The following SLC25A13 variants were observed in gnomAD, a reference collection of about 807,000 sequenced individuals.
SLC25A13 encodes solute carrier family 25 member 13, also known as electrogenic aspartate/glutamate antiporter SLC25A13, mitochondrial.
In SLC25A13, 70 loss-of-function variants were observed where a neutral mutation model predicts 85.5. That is an observed-to-expected ratio of 0.82 (90% CI 0.68 to 1.00). The LOEUF (loss-of-function observed/expected upper bound fraction) is 1.00. Ranked by LOEUF, SLC25A13 falls within the 50% of genes least tolerant of loss-of-function variation. The pLI, the probability that SLC25A13 is intolerant of heterozygous loss-of-function variation, is 0.00. For synonymous variants in SLC25A13, 259 were observed against 288.7 expected, an observed-to-expected ratio of 0.90 and a Z score of 1.04; for missense variants, 765 against 819.8, an observed-to-expected ratio of 0.93 and a Z score of 0.82.
intron 3 of SLC25A13, among the ~76,000 whole-genome samples, chr7:96,272,246 C>T (rs1798268091): frequency 6.6e-6 from 1 of 151,948 alleles, no homozygotes; most frequent in South Asian, 2.1e-4. Context: ...AGAGGTCTTC[C>T]AATTCTATCA....
intron 1 of SLC25A13, among the ~76,000 whole-genome samples, chr7:96,305,064 G>T (rs945273890): frequency 2.6e-5 from 4 of 152,098 alleles, no homozygotes; most frequent in Admixed American, 2.6e-4. Flanking sequence ...TATGCTAATG[G>T]CTTTTTATCT....
chr7:96,150,438 A>T (rs1057239131), intron 13 of SLC25A13, among the ~76,000 whole-genome samples: 1 of 152,150 alleles, frequency 6.6e-6, no homozygotes, highest in Non-Finnish European at 1.5e-5. Context: ...CAGATTTTAC[A>T]TAAGAGGAAA....
chr7:96,212,296 A>G (rs2116729775), intron 4 of SLC25A13, among the ~76,000 whole-genome samples: 1 of 152,338 alleles, frequency 6.6e-6, no homozygotes, highest in Non-Finnish European at 1.5e-5. Context: ...CTAGCTAGCT[A>G]GCAACCTTCT....
chr7:96,125,290 C>T (rs1337963248), intron 15 of SLC25A13, among the ~76,000 whole-genome samples: 2 of 152,214 alleles, frequency 1.3e-5, no homozygotes, highest in Non-Finnish European at 1.5e-5. Context: ...CAGGGTTTCA[C>T]CATGTTGACC....
chr7:96,282,313 A>G (rs1214892754), intron 2 of SLC25A13, among the ~76,000 whole-genome samples: 1 of 152,182 alleles, frequency 6.6e-6, no homozygotes, highest in African/African-American at 2.4e-5. Context: ...CCTGCTCACC[A>G]TCAGTCACAG....
In SLC25A13 at chr7:96,282,858, T is replaced by C. The variant is rs548023902; in HGVS notation, c.70-5520A>G. On this transcript the variant is annotated intron_variant, in intron 2 of 17. Transcript: ENST00000265631. Reference sequence around the variant, plus strand: ...AAGAAACATAAATGGCCAATAAACATATTGCTCTATTTATTTAAAAATGAA... The same window carrying C: ...AAGAAACATAAATGGCCAATAAACACATTGCTCTATTTATTTAAAAATGAA... 5.3e-4 allele frequency among the ~76,000 whole-genome samples: 81 copies of C among 152,280 alleles called. 1 individual carries two copies. The South Asian group carries it at 0.016, about 31-fold the overall frequency.
rs571284446 is a variant in SLC25A13, at chr7:96,291,655, C to T, written c.69+5243G>A. Among the ~76,000 whole-genome samples, 40 of 152,194 alleles carry T rather than the reference C, an allele frequency of 2.6e-4. No individual in the cohort carries two copies. In the South Asian group the frequency reaches 3.9e-3, roughly 15 times the overall value. Reference sequence around the variant, plus strand: ...TCAGAGAATACTATAAACACCTCTACGCAAATAAACTAGAAAATCTAGAAG... The same window carrying T: ...TCAGAGAATACTATAAACACCTCTATGCAAATAAACTAGAAAATCTAGAAG... On this transcript the variant is annotated intron_variant, in intron 2 of 17. Transcript: ENST00000265631.
intron 13 of SLC25A13, among the ~76,000 whole-genome samples, chr7:96,150,555 G>A (rs964349680): frequency 2.6e-5 from 4 of 152,042 alleles, no homozygotes; most frequent in African/African-American, 9.7e-5. Context: ...GACTATAGTT[G>A]GAAACAGGGC....
At chr7:96,284,826 G>C (rs568790081) in intron 2 of SLC25A13, among the ~76,000 whole-genome samples, 1 of 152,182 alleles carries the variant, frequency 6.6e-6, no homozygotes, top group African/African-American at 2.4e-5. Context: ...TAGCCATGTG[G>C]AACTGTGAGT....
At chr7:96,169,278 A>T (rs1584403241) in intron 13 of SLC25A13, among the ~76,000 whole-genome samples, 3 of 152,230 alleles carry the variant, frequency 2.0e-5, no homozygotes, top group Non-Finnish European at 4.4e-5. Context: ...AAGCCAATTT[A>T]AAAAAGTGAC....
At chr7:96,163,836 A>G (rs761245745) in intron 13 of SLC25A13, among the ~76,000 whole-genome samples, 7 of 152,118 alleles carry the variant, frequency 4.6e-5, no homozygotes, top group Non-Finnish European at 8.8e-5. Flanking sequence ...CAATACACCT[A>G]TTCCATTCCC....
intron 11 of SLC25A13, among the ~76,000 whole-genome samples, chr7:96,174,031 A>C (rs1486398690): frequency 6.6e-6 from 1 of 152,242 alleles, no homozygotes; most frequent in Non-Finnish European, 1.5e-5. Context: ...ATGAATAAGC[A>C]GAGGAAGTGC....
At chr7:96,274,700 G>A (rs1382301631) in intron 3 of SLC25A13, among the ~76,000 whole-genome samples, 1 of 152,160 alleles carries the variant, frequency 6.6e-6, no homozygotes, top group African/African-American at 2.4e-5. Context: ...GTGTAAGGAA[G>A]GGATCCAGTT....
At chr7:96,295,144 G>C (rs1375007889) in intron 2 of SLC25A13, among the ~76,000 whole-genome samples, 2 of 152,242 alleles carry the variant, frequency 1.3e-5, no homozygotes, top group African/African-American at 4.8e-5. Context: ...ATCACCTGAG[G>C]TCAGGAGTTC....
intron 9 of SLC25A13, among the ~76,000 whole-genome samples, chr7:96,185,877 G>T (rs2116635519): frequency 6.6e-6 from 1 of 152,196 alleles, no homozygotes; most frequent in African/African-American, 2.4e-5. Context: ...TCCAGCCTGG[G>T]CAACAGAGTG....
intron 3 of SLC25A13, among the ~76,000 whole-genome samples, chr7:96,270,818 C>T (rs1341501404): frequency 3.3e-5 from 5 of 152,186 alleles, no homozygotes; most frequent in East Asian, 1.9e-4. Flanking sequence ...GAGTTCAGTA[C>T]GGCCACAGAC....
At chr7:96,217,301 G>A (rs1795934032) in intron 4 of SLC25A13, among the ~76,000 whole-genome samples, 1 of 152,100 alleles carries the variant, frequency 6.6e-6, no homozygotes, top group South Asian at 2.1e-4. Context: ...AAAATGGTGT[G>A]GCCACTTTGG....
At chr7:96,290,064 C>T (rs550221532) in intron 2 of SLC25A13, among the ~76,000 whole-genome samples, 17 of 152,252 alleles carry the variant, frequency 1.1e-4, no homozygotes, top group Middle Eastern at 3.4e-3. Context: ...GCAGATCTCT[C>T]GACAGAAACT....
At chr7:96,292,812 C>T (rs1371139307) in intron 2 of SLC25A13, among the ~76,000 whole-genome samples, 1 of 152,202 alleles carries the variant, frequency 6.6e-6, no homozygotes, top group Non-Finnish European at 1.5e-5. Flanking sequence ...ATTCCATGCT[C>T]ATGGATAGGA....
Sources: allele counts gnomAD v4.1 joint callset (sites outside exome capture counted in the v4.1 genomes callset), GRCh38; gene constraint gnomAD v4.1.1; transcripts MANE v1.5; gene names NCBI Gene and HGNC (gene_info 2026-07-23, HGNC 2026-07-21).